Variants in PNO1 observed in about 807,000 individuals in gnomAD.
PNO1 encodes partner of NOB1 homolog.
Under a neutral mutation model 28.4 loss-of-function variants are expected in PNO1, and 16 were observed. The ratio of observed to expected loss-of-function variants is 0.56; its 90% CI spans 0.38 to 0.85. The LOEUF (loss-of-function observed/expected upper bound fraction) is 0.85, where lower values mean the gene tolerates loss of function less well. PNO1 is among the 40% of genes least tolerant of loss of function. PNO1 has a pLI of 0.00. For missense variants in PNO1, 304 were observed against 312.2 expected (o/e 0.97, Z 0.20); for synonymous variants, 115 against 110.8 (o/e 1.04, Z -0.24).
chr2:68,166,611 T>C (rs1016895094), intron 5 of PNO1, among the ~76,000 whole-genome samples: 5 of 152,224 alleles, frequency 3.3e-5, no homozygotes, highest in Non-Finnish European at 5.9e-5. Flanking sequence ...CATTGTAATT[T>C]CTGACTTTTT....
intron 5 of PNO1, among the ~76,000 whole-genome samples, chr2:68,162,948 TGACA>T (rs1666608471): frequency 6.6e-6 from 1 of 152,228 alleles, no homozygotes; most frequent in Non-Finnish European, 1.5e-5. Context: ...TTCTACTTTA[TGACA>T]GAGTGTTGAA....
intron 5 of PNO1, 187 bp from the exon 6 acceptor site, chr2:68,173,160 C>A (rs1674176991): frequency 4.5e-6 from 2 of 444,852 alleles, no homozygotes; most frequent in East Asian, 3.9e-5. Context: ...ACTCTACAGG[C>A]ACGTGCTACT....
intron 5 of PNO1, chr2:68,173,097 T>C (rs1674175460): frequency 3.9e-6 from 1 of 256,468 alleles, no homozygotes; most frequent in East Asian, 6.3e-5. Context: ...TTTTTTTTTT[T>C]TTTTTTTTTT....
At chr2:68,174,037 A>G (rs1674203167) in intron 6 of PNO1, among the ~76,000 whole-genome samples, 1 of 152,224 alleles carries the variant, frequency 6.6e-6, no homozygotes, top group African/African-American at 2.4e-5. Context: ...GGTTTAACAA[A>G]GGAAGAGCTG....
intron 5 of PNO1, among the ~76,000 whole-genome samples, chr2:68,172,435 T>G (rs1674155151): frequency 6.6e-6 from 1 of 152,180 alleles, no homozygotes; most frequent in African/African-American, 2.4e-5. Flanking sequence ...GAAGGGAATA[T>G]TAACAGGGGT....
At chr2:68,164,222 G>A (rs1039113922) in intron 5 of PNO1, among the ~76,000 whole-genome samples, 1 of 152,196 alleles carries the variant, frequency 6.6e-6, no homozygotes, top group Non-Finnish European at 1.5e-5. Flanking sequence ...AAGCATGGTG[G>A]CTCACATCTG....
chr2:68,162,998 G>T (rs368797415), intron 5 of PNO1, among the ~76,000 whole-genome samples: 4 of 152,216 alleles, frequency 2.6e-5, no homozygotes, highest in East Asian at 1.9e-4. Context: ...AAACAGAATG[G>T]TTGTATGTGT....
chr2:68,163,053 G>T (rs1441055382), intron 5 of PNO1, among the ~76,000 whole-genome samples: 3 of 152,186 alleles, frequency 2.0e-5, no homozygotes, highest in Non-Finnish European at 4.4e-5. Flanking sequence ...TTGCACCCTT[G>T]TAAAGTTGAA....
chr2:68,157,957 A>T lies in PNO1; in HGVS notation c.23A>T (p.Gln8Leu), dbSNP rs375136958. 10 of 1,614,078 alleles carry T rather than the reference A, an allele frequency of 6.2e-6. No homozygotes were observed. Among genetic ancestry groups the T allele is most frequent in the South Asian group, 1.1e-5 (1 of 91,090 alleles). MESEMETQSARAEEGFTQ... is the reference protein window; with the variant it reads MESEMETLSARAEEGFTQ... ...GGGATGGAATCCGAAATGGAAACGC[A>T]GAGCGCCAGGGCAGAGGAGGGCTTT... The change falls in exon 1 of 7, where the codon CAG becomes CTG. Residue 8 changes from glutamine to leucine, a missense_variant. Transcript: ENST00000263657.
At chr2:68,159,920 C>T (rs982676838) in intron 2 of PNO1, among the ~76,000 whole-genome samples, 1 of 149,420 alleles carries the variant, frequency 6.7e-6, no homozygotes, top group Non-Finnish European at 1.5e-5. Context: ...TCCCAGATCA[C>T]AATGCTTTTA....
At chr2:68,167,169 C>T (rs1449100419) in intron 5 of PNO1, among the ~76,000 whole-genome samples, 1 of 152,176 alleles carries the variant, frequency 6.6e-6, no homozygotes, top group Non-Finnish European at 1.5e-5. Flanking sequence ...AGCATTGACA[C>T]TATTTTCCAT....
At chr2:68,164,090 G>A (rs1336847858) in intron 5 of PNO1, among the ~76,000 whole-genome samples, 1 of 152,176 alleles carries the variant, frequency 6.6e-6, no homozygotes, top group African/African-American at 2.4e-5. Flanking sequence ...CCTGAAGCCA[G>A]GCATATAATT....
At chr2:68,168,562 A>AG (rs1334763741) in intron 5 of PNO1, among the ~76,000 whole-genome samples, 1 of 152,174 alleles carries the variant, frequency 6.6e-6, no homozygotes, top group Non-Finnish European at 1.5e-5. Context: ...AAGCTGCTAG[A>AG]GAAAAAAAAA....
chr2:68,164,630 A>G (rs902508454), intron 5 of PNO1, among the ~76,000 whole-genome samples: 1 of 152,048 alleles, frequency 6.6e-6, no homozygotes, highest in African/African-American at 2.4e-5. Context: ...AGGGATCTCC[A>G]TCTCTACAAA....
chr2:68,158,255 A>G, intron 1 of PNO1, 114 bp downstream of exon 1: 1 of 1,371,868 alleles, frequency 7.3e-7, no homozygotes, highest in Non-Finnish European at 1.0e-6. Context: ...TGATGCTCAG[A>G]GAGAAGTGAT....
intron 6 of PNO1, 84 bp downstream of exon 6, chr2:68,173,501 A>AT: frequency 1.2e-6 from 1 of 813,086 alleles, no homozygotes. Context: ...TTGCAAAGCA[A>AT]TTTAGGGTAA....
chr2:68,159,794 C>T (rs1327165622), intron 2 of PNO1, among the ~76,000 whole-genome samples: 2 of 151,908 alleles, frequency 1.3e-5, no homozygotes, highest in African/African-American at 4.8e-5. Context: ...GCCATTCTCT[C>T]ATTCAGGCTT....
intron 6 of PNO1, among the ~76,000 whole-genome samples, chr2:68,174,288 G>GTT (rs34323809): frequency 9.4e-5 from 10 of 106,774 alleles, no homozygotes; most frequent in South Asian, 3.1e-4. Context: ...TTCTGTTAAG[G>GTT]TTTTTTTTTT....
rs1229530091 is a variant in PNO1, at chr2:68,157,968, G to A, written c.34G>A (p.Ala12Thr). The A allele has an allele frequency of 6.2e-7, 1 of 1,613,996 alleles. No individual in the cohort carries two copies. The highest frequency in any genetic ancestry group is 1.3e-5 in the African/African-American group (1 of 74,958). Reference protein sequence around the residue: ...ESEMETQSARAEEGFTQVTRK... With the variant: ...ESEMETQSARTEEGFTQVTRK... ...CGAAATGGAAACGCAGAGCGCCAGG[G>A]CAGAGGAGGGCTTTACCCAGGTCAC... Residue 12 changes from alanine to threonine, a missense_variant, in exon 1 of 7, where the codon GCA becomes ACA. Transcript: ENST00000263657.
Sources: allele counts gnomAD v4.1 joint callset (sites outside exome capture counted in the v4.1 genomes callset), GRCh38; gene constraint gnomAD v4.1.1; transcripts MANE v1.5; gene names NCBI Gene and HGNC (gene_info 2026-07-23, HGNC 2026-07-21).